The following WDPCP variants were observed in gnomAD, a reference collection of about 807,000 sequenced individuals.
The protein encoded by WDPCP is WD repeat containing planar cell polarity effector.
Under a neutral mutation model 93.1 loss-of-function variants are expected in WDPCP, and 71 were observed. The observed-to-expected ratio is 0.76, with a 90% CI of 0.63 to 0.93. WDPCP has a LOEUF of 0.93. WDPCP is among the 40% of genes least tolerant of loss of function. The pLI is 0.00. For synonymous variants in WDPCP, 315 were observed against 315.0 expected, an observed-to-expected ratio of 1.00 and a Z score of 0.00; for missense variants, 844 against 887.4, an observed-to-expected ratio of 0.95 and a Z score of 0.62.
At chr2:63,291,668 G>A (rs1311114248) in intron 13 of WDPCP, among the ~76,000 whole-genome samples, 1 of 152,116 alleles carries the variant, frequency 6.6e-6, no homozygotes, top group Non-Finnish European at 1.5e-5. Context: ...AATTAGCTGG[G>A]CATGGTGGCT....
chr2:63,428,793 T>C (rs1696510663), intron 9 of WDPCP, among the ~76,000 whole-genome samples: 1 of 152,122 alleles, frequency 6.6e-6, no homozygotes, highest in African/African-American at 2.4e-5. Flanking sequence ...CCATTCACAA[T>C]AGCCACAAAA....
At chr2:63,760,967 C>T (rs1004223236) in intron 2 of WDPCP, among the ~76,000 whole-genome samples, 2 of 152,220 alleles carry the variant, frequency 1.3e-5, no homozygotes, top group Non-Finnish European at 2.9e-5. Flanking sequence ...TACTACTAGG[C>T]TCTCCTGCTC....
chr2:63,706,600 CTT>C (rs896018299), intron 2 of WDPCP, among the ~76,000 whole-genome samples: 8 of 61,696 alleles, frequency 1.3e-4, no homozygotes, highest in Admixed American at 3.3e-4. Flanking sequence ...AAATTCTTTT[CTT>C]TTTTTTTTTT....
intron 2 of WDPCP, among the ~76,000 whole-genome samples, chr2:63,661,496 G>C (rs1185642344): frequency 1.3e-5 from 2 of 152,174 alleles, no homozygotes; most frequent in Non-Finnish European, 2.9e-5. Flanking sequence ...ATGGCAAAAA[G>C]TGGGACTTAA....
At chr2:63,256,918 A>T (rs1387330304) in intron 14 of WDPCP, among the ~76,000 whole-genome samples, 1 of 152,186 alleles carries the variant, frequency 6.6e-6, no homozygotes, top group African/African-American at 2.4e-5. Flanking sequence ...GGCTGAGATT[A>T]TAGCATCTTG....
At position 63,730,495 on chromosome 2, in the gene WDPCP, G is replaced by A. The variant is rs541030311; in HGVS notation, n.309-79657C>T. ...TTTGTTTTTTTTGAGACGGAGTCTC[G>A]CTCTGTTGCCCAGGCTGGAGTGCAA... On this transcript the variant is annotated intron_variant and non_coding_transcript_variant, in intron 2 of 4. Transcript: ENST00000467687. Among the ~76,000 whole-genome samples the A allele has an allele frequency of 9.2e-5, 14 of 152,158 alleles. No homozygotes were observed. In the South Asian group the frequency reaches 2.1e-3, roughly 23 times the overall value.
At chr2:63,574,934 C>T (rs1307480996) in intron 1 of WDPCP, among the ~76,000 whole-genome samples, 2 of 152,264 alleles carry the variant, frequency 1.3e-5, no homozygotes, top group East Asian at 3.9e-4. Context: ...GGTACTTCAA[C>T]TGGCATAATA....
chr2:63,469,814 T>A (rs541246846), intron 6 of WDPCP, among the ~76,000 whole-genome samples: 1 of 152,272 alleles, frequency 6.6e-6, no homozygotes, highest in East Asian at 1.9e-4. Context: ...TATTTACCTA[T>A]ATAACAAACC....
intron 17 of WDPCP, among the ~76,000 whole-genome samples, chr2:63,137,218 C>T (rs1469865025): frequency 1.3e-5 from 2 of 151,908 alleles, no homozygotes; most frequent in Non-Finnish European, 2.9e-5. Context: ...TTGCCATCAT[C>T]TGTTGTTGTT....
intron 15 of WDPCP, among the ~76,000 whole-genome samples, chr2:63,173,255 C>T (rs755501787): frequency 3.6e-5 from 5 of 140,266 alleles, no homozygotes; most frequent in African/African-American, 1.1e-4. Flanking sequence ...GCAACTAGAG[C>T]GAAACTCTGT....
intron 1 of WDPCP, among the ~76,000 whole-genome samples, chr2:63,573,266 C>A (rs1262680382): frequency 6.6e-6 from 1 of 151,186 alleles, no homozygotes; most frequent in East Asian, 1.9e-4. Flanking sequence ...AAAAAGGATT[C>A]GTTGCTGGAT....
At chr2:63,606,992 A>G (rs1709545750) in intron 3 of WDPCP, 1 of 1,607,948 alleles carries the variant, frequency 6.2e-7, no homozygotes, top group Admixed American at 1.7e-5. Flanking sequence ...GCCTGACTAG[A>G]CAATGATGTT....
At chr2:63,288,658 C>T (rs1322528879) in intron 13 of WDPCP, among the ~76,000 whole-genome samples, 2 of 152,208 alleles carry the variant, frequency 1.3e-5, no homozygotes, top group African/African-American at 4.8e-5. Context: ...CATTCACTTA[C>T]ATAACCACAA....
intron 12 of WDPCP, among the ~76,000 whole-genome samples, chr2:63,330,830 T>C (rs1687920119): frequency 6.6e-6 from 1 of 151,972 alleles, no homozygotes; most frequent in Non-Finnish European, 1.5e-5. Flanking sequence ...ATTGTGTGTT[T>C]CATCCTTAGG....
chr2:63,607,102 T>C, intron 3 of WDPCP: 1 of 1,080,316 alleles, frequency 9.3e-7, no homozygotes, highest in Non-Finnish European at 1.3e-6. Flanking sequence ...AACAACACAT[T>C]TTAAAGATTA....
intron 12 of WDPCP, among the ~76,000 whole-genome samples, chr2:63,342,632 CT>C (rs1343132832): frequency 6.6e-6 from 1 of 152,102 alleles, no homozygotes; most frequent in Non-Finnish European, 1.5e-5. Context: ...CATACAAATA[CT>C]TTGCTTCTCT....
intron 17 of WDPCP, among the ~76,000 whole-genome samples, chr2:63,129,036 G>A (rs999610334): frequency 2.0e-5 from 3 of 152,188 alleles, no homozygotes; most frequent in Admixed American, 1.3e-4. Flanking sequence ...TGCAATATTT[G>A]TCCTTTTGAG....
chr2:63,745,034 T>G (rs1376287059), intron 2 of WDPCP, among the ~76,000 whole-genome samples: 1 of 152,178 alleles, frequency 6.6e-6, no homozygotes, highest in Non-Finnish European at 1.5e-5. Flanking sequence ...TTTAATCATA[T>G]AAACAATATG....
intron 1 of WDPCP, among the ~76,000 whole-genome samples, chr2:63,498,674 C>T (rs1386890969): frequency 6.6e-6 from 1 of 152,096 alleles, no homozygotes; most frequent in African/African-American, 2.4e-5. Context: ...GTACTCTGCC[C>T]GGGTAAAGTA....
Sources: gnomAD v4.1 joint callset for allele counts (sites outside exome capture counted in the v4.1 genomes callset) on GRCh38, gnomAD v4.1.1 for gene constraint, MANE v1.5 for transcripts, NCBI Gene and HGNC (gene_info 2026-07-23, HGNC 2026-07-21) for gene names.